MAP3K20: variants seen among roughly 807,000 people sequenced by gnomAD.
The protein encoded by MAP3K20 is HCCS-4.
In MAP3K20, 40 loss-of-function variants were observed where a neutral mutation model predicts 85.7. The observed-to-expected ratio is 0.47, with a 90% CI of 0.36 to 0.61. The LOEUF is 0.61. Ranked by LOEUF, MAP3K20 falls within the 20% of genes least tolerant of loss-of-function variation. The probability of loss-of-function intolerance (pLI) is 0.00; values close to 1 mark genes in which losing one functional copy is unlikely to be tolerated. For missense variants in MAP3K20, 817 were observed against 961.7 expected, an observed-to-expected ratio of 0.85 and a Z score of 1.99; for synonymous variants, 325 against 327.7, an observed-to-expected ratio of 0.99 and a Z score of 0.09.
intron 2 of MAP3K20, among the ~76,000 whole-genome samples, chr2:173,164,556 A>G (rs1326800731): frequency 6.6e-6 from 1 of 152,200 alleles, no homozygotes; most frequent in African/African-American, 2.4e-5. Context: ...CAGTTTAATT[A>G]GTCCCATTTG....
chr2:173,195,672 A>G (rs548134535), intron 7 of MAP3K20, among the ~76,000 whole-genome samples: 2 of 147,868 alleles, frequency 1.4e-5, no homozygotes, highest in South Asian at 4.5e-4. Context: ...GTCCTATCTT[A>G]TACCACCTGC....
At chr2:173,254,903 A>G (rs1685124495) in intron 16 of MAP3K20, among the ~76,000 whole-genome samples, 1 of 152,230 alleles carries the variant, frequency 6.6e-6, no homozygotes, top group African/African-American at 2.4e-5. Flanking sequence ...GCCATTGTCA[A>G]ATTAACTTAA....
intron 16 of MAP3K20, among the ~76,000 whole-genome samples, chr2:173,243,204 G>A (rs1684833140): frequency 6.6e-6 from 1 of 152,086 alleles, no homozygotes; most frequent in South Asian, 2.1e-4. Flanking sequence ...TTTTTACAAA[G>A]CCATTTACAT....
At chr2:173,123,614 G>A (rs1405181586) in intron 2 of MAP3K20, among the ~76,000 whole-genome samples, 1 of 152,166 alleles carries the variant, frequency 6.6e-6, no homozygotes, top group Admixed American at 6.5e-5. Flanking sequence ...GAACCTCAGA[G>A]TTTCTTTGGG....
At chr2:173,209,900 G>A in intron 10 of MAP3K20, 65 bp downstream of exon 10, 1 of 1,349,196 alleles carries the variant, frequency 7.4e-7, no homozygotes, top group Non-Finnish European at 1.1e-6. Flanking sequence ...TCTCAATGAA[G>A]AAGTGAACCA....
chr2:173,127,965 A>G (rs16861278), intron 2 of MAP3K20, among the ~76,000 whole-genome samples: 51,404 of 151,980 alleles, frequency 0.34, 9,372 homozygotes, highest in Non-Finnish European at 0.41. Context: ...TTAGTAAGTG[A>G]TAGAATCTAG....
At chr2:173,189,964 G>T (rs1487173003) in intron 5 of MAP3K20, among the ~76,000 whole-genome samples, 3 of 152,076 alleles carry the variant, frequency 2.0e-5, no homozygotes, top group Non-Finnish European at 4.4e-5. Flanking sequence ...TTGCCTCCAG[G>T]TCTATTCTTC....
At chr2:173,244,072 C>T (rs1373563619) in intron 16 of MAP3K20, among the ~76,000 whole-genome samples, 4 of 152,148 alleles carry the variant, frequency 2.6e-5, no homozygotes, top group Non-Finnish European at 2.9e-5. Context: ...GTGACAGTGC[C>T]ATGGGTCCCA....
chr2:173,134,428 A>ATATATATATATATATTT (rs56330241), intron 2 of MAP3K20, among the ~76,000 whole-genome samples: 1 of 3,156 alleles, frequency 3.2e-4, no homozygotes, highest in Non-Finnish European at 6.4e-4. Context: ...ATATATATAT[A>ATATATATATATATATTT]TTTTTTTTTT....
chr2:173,255,598 C>T (rs1685139430), intron 16 of MAP3K20, among the ~76,000 whole-genome samples: 1 of 152,216 alleles, frequency 6.6e-6, no homozygotes, highest in African/African-American at 2.4e-5. Context: ...CTCCTCCTGT[C>T]AGCCGCTTCT....
At chr2:173,150,219 A>T (rs1486443697) in intron 2 of MAP3K20, among the ~76,000 whole-genome samples, 2 of 152,206 alleles carry the variant, frequency 1.3e-5, no homozygotes, top group African/African-American at 4.8e-5. Context: ...ATGGCAATTT[A>T]TTTTTTAAAA....
At chr2:173,225,362 G>A in intron 11 of MAP3K20, 1 of 239,390 alleles carries the variant, frequency 4.2e-6, no homozygotes, top group Non-Finnish European at 6.8e-6. Context: ...GGGAGGCCAA[G>A]GTGGGCGGAT....
At chr2:173,135,436 T>C (rs898777178) in intron 2 of MAP3K20, among the ~76,000 whole-genome samples, 1 of 152,188 alleles carries the variant, frequency 6.6e-6, no homozygotes, top group Non-Finnish European at 1.5e-5. Context: ...ATGGAGACTC[T>C]GGAAAGCTAA....
rs372919697 is a variant in MAP3K20, at chr2:173,191,055, G to A, written c.460G>A (p.Ala154Thr). 1 of 1,613,812 alleles carries A rather than the reference G, an allele frequency of 6.2e-7. No homozygotes were observed. The highest frequency in any genetic ancestry group is 2.2e-5 in the East Asian group (1 of 44,878). The change falls in exon 7 of 20, where the codon GCC becomes ACC. Residue 154 changes from alanine (A) to threonine (T), a missense_variant. Transcript: ENST00000375213. The stretch of plus-strand genomic sequence containing the variant: ...GTTTTCTCAGATCTGTGACTTTGGT[G>A]CCTCTCGGTTCCATAACCATACAAC... ...DGVLKICDFG[A>T]SRFHNHTTHM...
chr2:173,243,478 G>C (rs1684840434), intron 16 of MAP3K20, among the ~76,000 whole-genome samples: 2 of 152,170 alleles, frequency 1.3e-5, no homozygotes, highest in Admixed American at 6.5e-5. Flanking sequence ...CCTCCCTCTA[G>C]AAAGACTTAC....
chr2:173,117,933 G>C (rs974059132), intron 2 of MAP3K20, among the ~76,000 whole-genome samples: 4 of 152,178 alleles, frequency 2.6e-5, no homozygotes, highest in Non-Finnish European at 5.9e-5. Flanking sequence ...GGGGGTGATA[G>C]ATGCTTGAGG....
intron 16 of MAP3K20, among the ~76,000 whole-genome samples, chr2:173,240,661 T>C (rs530151905): frequency 1.3e-5 from 2 of 152,316 alleles, no homozygotes; most frequent in South Asian, 4.1e-4. Context: ...GAATGGCTTA[T>C]ATCCAAAAGA....
intron 9 of MAP3K20, among the ~76,000 whole-genome samples, chr2:173,204,189 A>G (rs1210215373): frequency 6.6e-6 from 1 of 152,210 alleles, no homozygotes; most frequent in Non-Finnish European, 1.5e-5. Context: ...CAGTACTTAG[A>G]ATATGCCAGG....
intron 4 of MAP3K20, among the ~76,000 whole-genome samples, chr2:173,185,876 C>G (rs534822027): frequency 1.3e-5 from 2 of 152,238 alleles, no homozygotes; most frequent in East Asian, 3.9e-4. Flanking sequence ...CAGTTCTCCC[C>G]AAAAGTCTCC....
Sources: gnomAD v4.1 joint callset for allele counts (sites outside exome capture counted in the v4.1 genomes callset) on GRCh38, gnomAD v4.1.1 for gene constraint, MANE v1.5 for transcripts, NCBI Gene and HGNC (gene_info 2026-07-23, HGNC 2026-07-21) for gene names.